The following CNTN6 variants were observed in gnomAD, a reference collection of about 807,000 sequenced individuals.
CNTN6 encodes contactin 6.
Under a neutral mutation model 122.8 loss-of-function variants are expected in CNTN6, and 137 were observed. That is an observed-to-expected ratio of 1.12 (90% CI 0.97 to 1.29). CNTN6 has a LOEUF of 1.29. CNTN6 is among the 50% of genes most tolerant of loss of function. The pLI is 0.00. For missense variants in CNTN6, 1,634 were observed against 1,223.4 expected (o/e 1.34, Z -5.01); for synonymous variants, 570 against 426.0 (o/e 1.34, Z -4.16).
chr3:1,260,188 A>G (rs1461056678), intron 4 of CNTN6, among the ~76,000 whole-genome samples: 1 of 152,194 alleles, frequency 6.6e-6, no homozygotes, highest in African/African-American at 2.4e-5. Flanking sequence ...ATTGCAAGTG[A>G]CTTTGTGATG....
At chr3:1,269,480 A>G (rs958568752) in intron 4 of CNTN6, among the ~76,000 whole-genome samples, 1 of 152,160 alleles carries the variant, frequency 6.6e-6, no homozygotes, top group African/African-American at 2.4e-5. Context: ...TGTTTCTCTC[A>G]TCTACTTTTA....
At chr3:1,142,976 A>G (rs763735815) in intron 1 of CNTN6, among the ~76,000 whole-genome samples, 9,130 of 57,484 alleles carry the variant, frequency 0.16, 295 homozygotes, top group Middle Eastern at 0.34. Flanking sequence ...GTGTATATAT[A>G]TATATATATA....
chr3:1,323,201 GATTAAT>G (rs985805601), intron 8 of CNTN6, among the ~76,000 whole-genome samples: 8 of 150,730 alleles, frequency 5.3e-5, no homozygotes, highest in African/African-American at 2.0e-4. Flanking sequence ...GAAATCTTAA[GATTAAT>G]ATTAAGAGGT....
chr3:1,338,432 G>T (rs995571698), intron 11 of CNTN6, among the ~76,000 whole-genome samples: 1 of 152,104 alleles, frequency 6.6e-6, no homozygotes, highest in Non-Finnish European at 1.5e-5. Flanking sequence ...TTCAAGAGAG[G>T]CTGAAGTTGT....
chr3:1,172,301 G>A (rs1402703776), intron 2 of CNTN6, among the ~76,000 whole-genome samples: 3 of 151,858 alleles, frequency 2.0e-5, no homozygotes, highest in Non-Finnish European at 4.4e-5. Context: ...TGCTACTGGT[G>A]ATAAAGAATA....
At chr3:1,139,429 ACAT>A (rs1438613269) in intron 1 of CNTN6, among the ~76,000 whole-genome samples, 2 of 152,164 alleles carry the variant, frequency 1.3e-5, no homozygotes, top group African/African-American at 4.8e-5. Context: ...TTCAAGACCA[ACAT>A]CATCATCTGT....
At chr3:1,274,598 A>G (rs1575513041) in intron 4 of CNTN6, among the ~76,000 whole-genome samples, 3 of 152,208 alleles carry the variant, frequency 2.0e-5, no homozygotes, top group African/African-American at 7.2e-5. Flanking sequence ...TTGAAAAGCA[A>G]TGTTTACAAA....
At chr3:1,125,685 C>A (rs779986921) in intron 1 of CNTN6, among the ~76,000 whole-genome samples, 1 of 151,288 alleles carries the variant, frequency 6.6e-6, no homozygotes, top group African/African-American at 2.4e-5. Flanking sequence ...AGTTTTAGTG[C>A]TGCTTTATGG....
intron 4 of CNTN6, among the ~76,000 whole-genome samples, chr3:1,270,616 C>T (rs2095008323): frequency 6.6e-6 from 1 of 152,194 alleles, no homozygotes; most frequent in South Asian, 2.1e-4. Flanking sequence ...ATCTTGTTTA[C>T]TCCAGAACCA....
At chr3:1,358,376 C>T (rs1269251780) in intron 12 of CNTN6, among the ~76,000 whole-genome samples, 8 of 151,370 alleles carry the variant, frequency 5.3e-5, no homozygotes, top group Non-Finnish European at 8.8e-5. Context: ...CTATTCTGAC[C>T]GTAAAAGAAG....
intron 4 of CNTN6, among the ~76,000 whole-genome samples, chr3:1,242,739 T>C (rs981704044): frequency 1.3e-5 from 2 of 152,008 alleles, no homozygotes; most frequent in Admixed American, 6.6e-5. Flanking sequence ...AATCCAGGAA[T>C]AGTCAGGGAA....
chr3:1,358,307 CT>C (rs1333292122), intron 12 of CNTN6, among the ~76,000 whole-genome samples: 1 of 151,904 alleles, frequency 6.6e-6, no homozygotes, highest in Non-Finnish European at 1.5e-5. Flanking sequence ...AACACTTGTG[CT>C]CACTTGTTTC....
intron 1 of CNTN6, among the ~76,000 whole-genome samples, chr3:1,131,661 G>A (rs2092339546): frequency 6.6e-6 from 1 of 152,152 alleles, no homozygotes; most frequent in African/African-American, 2.4e-5. Context: ...AGCTGAGACA[G>A]AGGTGGTCAT....
rs567307589 is a variant in CNTN6, at chr3:1,205,227, C to T, written c.56-15460C>T. ...TTCACTCCAGAGCCTCTAGGAAATG[C>T]AGCCCTGATGACATCTTGATTTGAG... On this transcript the variant is annotated intron_variant, in intron 2 of 22. Coordinates refer to ENST00000446702, the MANE Select transcript of CNTN6 (RefSeq NM_001289080.2). Among the ~76,000 whole-genome samples, 3 of 152,284 alleles carry T rather than the reference C, an allele frequency of 2.0e-5. No homozygotes were observed. In the South Asian group the frequency reaches 6.2e-4, roughly 32 times the overall value.
chr3:1,164,115 TTGTC>T (rs1271378854), intron 2 of CNTN6, among the ~76,000 whole-genome samples: 3 of 152,126 alleles, frequency 2.0e-5, no homozygotes, highest in East Asian at 3.8e-4. Flanking sequence ...GCATGTAAGT[TTGTC>T]TGGTGAGAAA....
intron 1 of CNTN6, among the ~76,000 whole-genome samples, chr3:1,110,344 G>A (rs1182882007): frequency 2.0e-5 from 3 of 151,964 alleles, no homozygotes; most frequent in Non-Finnish European, 4.4e-5. Flanking sequence ...CATAAAACAG[G>A]TATACCATCA....
intron 7 of CNTN6, among the ~76,000 whole-genome samples, chr3:1,300,487 G>A (rs1321133702): frequency 3.2e-4 from 35 of 108,862 alleles, no homozygotes; most frequent in African/African-American, 1.9e-3. Flanking sequence ...AAGGAAGGAA[G>A]GAAGGAAAAA....
At chr3:1,099,343 G>T (rs11128530) in intron 1 of CNTN6, among the ~76,000 whole-genome samples, 1 of 151,352 alleles carries the variant, frequency 6.6e-6, no homozygotes, top group Non-Finnish European at 1.5e-5. Flanking sequence ...CCCAGCTACT[G>T]GGGAGGCTGA....
chr3:1,318,803 G>A (rs947075797), intron 7 of CNTN6, among the ~76,000 whole-genome samples: 2 of 151,662 alleles, frequency 1.3e-5, no homozygotes, highest in South Asian at 2.1e-4. Flanking sequence ...GGTACTTTCA[G>A]TTCTCTCTTT....
Sources: gnomAD v4.1 joint callset for allele counts (sites outside exome capture counted in the v4.1 genomes callset) on GRCh38, gnomAD v4.1.1 for gene constraint, MANE v1.5 for transcripts, NCBI Gene and HGNC (gene_info 2026-07-23, HGNC 2026-07-21) for gene names.